The following NQO1 variants were observed in gnomAD, a reference collection of about 807,000 sequenced individuals.
The protein encoded by NQO1 is NAD(P)H dehydrogenase [quinone] 1.
NQO1 carries 30 observed loss-of-function variants against 32.1 expected under a neutral mutation model. That is an observed-to-expected ratio of 0.94 (90% confidence interval 0.70 to 1.27). The LOEUF is 1.27. NQO1 is among the 50% of genes most tolerant of loss of function. NQO1 has a pLI of 0.00. For synonymous variants in NQO1, 109 were observed against 119.7 expected (o/e 0.91, Z 0.59); for missense variants, 276 against 331.3 (o/e 0.83, Z 1.30).
At chr16:69,724,973 C>T (rs1318298347) in intron 1 of NQO1, among the ~76,000 whole-genome samples, 1 of 152,184 alleles carries the variant, frequency 6.6e-6, no homozygotes, top group African/African-American at 2.4e-5. Context: ...AAATACAGAA[C>T]ATTCTGTAAG....
At chr16:69,715,117 TCCC>T in intron 3 of NQO1, 40 bp from the exon 4 acceptor site, 1 of 1,524,454 alleles carries the variant, frequency 6.6e-7, no homozygotes, top group Non-Finnish European at 9.1e-7. Flanking sequence ...GACCAGGGGC[TCCC>T]CAAGCCCAGA....
intron 4 of NQO1, among the ~76,000 whole-genome samples, chr16:69,713,368 T>C (rs2038066838): frequency 6.6e-6 from 1 of 152,132 alleles, no homozygotes; most frequent in African/African-American, 2.4e-5. Context: ...ACATGTGGCT[T>C]AGGACGAGGC....
Position 69,711,234 on chromosome 16 carries a change from C to T in NQO1, c.567G>A (p.Leu189=), listed in dbSNP as rs2151741864. Residue 189 remains leucine (L), a synonymous_variant, in exon 6 of 6, where the codon CTG becomes CTA. Coordinates refer to ENST00000320623, the MANE Select transcript of NQO1 (RefSeq NM_000903.3). ...FCGFQVLEPQ[L]TYSIGHTPAD... ...CTGGAGTGTGCCCAATGCTATATGT[C>T]AGTTGAGGTTCTAAGACTTGGAAGC... is the stretch of plus-strand genomic sequence containing the variant. The T allele has an allele frequency of 6.2e-7, 1 of 1,612,632 alleles. No individual in the cohort carries two copies. Among genetic ancestry groups the T allele is most frequent in the Non-Finnish European group, 8.5e-7 (1 of 1,178,720 alleles).
rs755263291 is a variant in NQO1 at position 69,711,095 on chromosome 16, CT to C, written c.705del (p.Gly236AspfsTer3). 1 of 1,614,172 alleles carries C rather than the reference CT, an allele frequency of 6.2e-7. No individual in the cohort carries two copies. The highest frequency in any genetic ancestry group is 1.1e-5 in the South Asian group (1 of 91,084). Reference sequence around the variant, plus strand: ...TGTACCTCTTTTTTCATTAAGAATCCTGCCTGGAAGTTTAGGTCAAAGAGGC... The same window carrying C: ...TGTACCTCTTTTTTCATTAAGAATCCGCCTGGAAGTTTAGGTCAAAGAGGC... ...PSSLFDLNFQ[A>X]GFLMKKEVQD... On this transcript the variant is annotated frameshift_variant, in exon 6 of 6. Coordinates refer to ENST00000320623, the MANE Select transcript of NQO1 (RefSeq NM_000903.3). LOFTEE classifies it high-confidence loss of function.
chr16:69,713,882 G>T lies in NQO1; in HGVS notation c.418-753C>A, dbSNP rs536888871. Among the ~76,000 whole-genome samples the T allele has an allele frequency of 2.6e-3, 323 of 123,560 alleles. 6 individuals carry two copies. Among genetic ancestry groups the T allele is most frequent in the South Asian group, 7.0e-3 (23 of 3,266 alleles). 81.1% of individuals were successfully genotyped at this position (123,560 alleles called of 152,430 possible). On this transcript the variant is annotated intron_variant, in intron 4 of 5. Coordinates refer to ENST00000320623, the MANE Select transcript of NQO1 (RefSeq NM_000903.3). Reference sequence around the variant, plus strand: ...ACCACATCCGGCTAATTTTTTTTTTGTTTTTGTTTTTGATATGGAGGCTCG... The same window carrying T: ...ACCACATCCGGCTAATTTTTTTTTTTTTTTTGTTTTTGATATGGAGGCTCG...
rs1187548493 is a variant in NQO1 at position 69,711,016 on chromosome 16, T to C, written c.785A>G (p.Lys262Arg). 3 of 1,614,200 alleles carry C rather than the reference T, an allele frequency of 1.9e-6. No individual in the cohort carries two copies. Among genetic ancestry groups the C allele is most frequent in the South Asian group, 1.1e-5 (1 of 91,084 alleles). Residue 262 changes from lysine (K) to arginine (R), a missense_variant, in exon 6 of 6, where the codon AAG becomes AGG. Physicochemically the swap from Lys to Arg is conservative, Grantham distance 26 (BLOSUM62 2). Transcript: ENST00000320623. ...GATCTGGTTGTCAGTTGGGATGGACTTGCCCAAGTGATGGCCCACAGAAAG... is the reference window on the plus strand; with the variant it reads ...GATCTGGTTGTCAGTTGGGATGGACCTGCCCAAGTGATGGCCCACAGAAAG... ...FGLSVGHHLG[K>R]SIPTDNQIKA...
chr16:69,713,907 G>A (rs1292018040), intron 4 of NQO1, among the ~76,000 whole-genome samples: 2 of 93,936 alleles, frequency 2.1e-5, no homozygotes, highest in Non-Finnish European at 2.2e-5. Flanking sequence ...ATGGAGGCTC[G>A]CTCTGTCACC....
rs142705470 is a variant in NQO1, at chr16:69,719,219, C to T, written c.8-685G>A. 4.6e-5 allele frequency among the ~76,000 whole-genome samples: 7 copies of T among 152,270 alleles called. No individual in the cohort carries two copies. In the East Asian group the frequency reaches 9.6e-4, roughly 21 times the overall value. On this transcript the variant is annotated intron_variant, in intron 1 of 5. Transcript: ENST00000320623. ...TACCAACAGAAAAATTGGCACCTTA[C>T]TGGTGGGGATAAGAACTGCCTCAAC...
At chr16:69,717,228 T>A (rs1352704203) in intron 3 of NQO1, among the ~76,000 whole-genome samples, 1 of 152,136 alleles carries the variant, frequency 6.6e-6, no homozygotes, top group African/African-American at 2.4e-5. Flanking sequence ...GTCACATTTA[T>A]AGGAAAGATC....
At chr16:69,716,684 A>C (rs926004768) in intron 3 of NQO1, among the ~76,000 whole-genome samples, 2 of 151,836 alleles carry the variant, frequency 1.3e-5, no homozygotes, top group African/African-American at 4.8e-5. Context: ...TATGAAAGGC[A>C]CATGCCTATA....
At chr16:69,725,790 C>T (rs1168762798) in intron 1 of NQO1, among the ~76,000 whole-genome samples, 1 of 152,248 alleles carries the variant, frequency 6.6e-6, no homozygotes, top group Non-Finnish European at 1.5e-5. Flanking sequence ...GGGAGAATCG[C>T]TTGAACCCGG....
At position 69,710,721 on chromosome 16, in the gene NQO1, ATTTTT is replaced by A; in HGVS notation, c.*250_*254del. The A allele has an allele frequency of 4.5e-6, 2 of 441,370 alleles. No individual in the cohort carries two copies. Among genetic ancestry groups the A allele is most frequent in the Non-Finnish European group, 8.0e-6 (2 of 249,926 alleles). The allele number at this position is 441,370 out of a possible 1,614,324, so 27.3% of individuals were successfully genotyped here. A position where few individuals can be genotyped will look rare whatever the true frequency, so the allele number is the denominator to read the frequency against. ...AATTGTGTAGATGCCTTTAAAGAAC[ATTTTT>A]CTAGCATCTTTCTACATCTTTCCCT... On this transcript the variant is annotated 3_prime_UTR_variant, in exon 6 of 6. Transcript: ENST00000320623.
At chr16:69,716,356 G>A (rs2038113275) in intron 3 of NQO1, among the ~76,000 whole-genome samples, 1 of 151,290 alleles carries the variant, frequency 6.6e-6, no homozygotes, top group African/African-American at 2.4e-5. Flanking sequence ...GTCAAGCGTG[G>A]TGGTGCATGC....
At position 69,718,053 on chromosome 16, in the gene NQO1, T is replaced by G. The variant is rs1311052430; in HGVS notation, c.303+70A>C. ...GGGTAACTGTTTAAGATCTCATAGC[T>G]AATTAGGTACATGTCTAGGACAATA... is the stretch of plus-strand genomic sequence containing the variant. On this transcript the variant is annotated intron_variant, in intron 3 of 5. Transcript: ENST00000320623. 1.9e-6 allele frequency: 3 copies of G among 1,584,418 alleles called. No individual in the cohort carries two copies. In the East Asian group the frequency reaches 6.7e-5, roughly 36 times the overall value.
intron 1 of NQO1, among the ~76,000 whole-genome samples, chr16:69,722,459 C>T (rs867171493): frequency 3.5e-4 from 53 of 151,700 alleles, no homozygotes; most frequent in Middle Eastern, 7.0e-3. Flanking sequence ...CGCGCCCAGC[C>T]GGCATCTGCA....
intron 1 of NQO1, among the ~76,000 whole-genome samples, chr16:69,723,473 C>A (rs912045473): frequency 6.6e-6 from 1 of 151,936 alleles, no homozygotes; most frequent in African/African-American, 2.4e-5. Context: ...ATAGGTAGAT[C>A]CCCAAAACAA....
chr16:69,725,427 G>A (rs1216698804), intron 1 of NQO1, among the ~76,000 whole-genome samples: 1 of 152,206 alleles, frequency 6.6e-6, no homozygotes, highest in East Asian at 1.9e-4. Context: ...GTCTCAGCTG[G>A]TTATTTATGC....
intron 5 of NQO1, among the ~76,000 whole-genome samples, chr16:69,711,802 C>T (rs200252639): frequency 1.3e-5 from 2 of 151,762 alleles, no homozygotes; most frequent in Non-Finnish European, 2.9e-5. Context: ...TACAGGCATG[C>T]GCCACCATGC....
At chr16:69,723,189 C>T (rs552329429) in intron 1 of NQO1, among the ~76,000 whole-genome samples, 9 of 152,204 alleles carry the variant, frequency 5.9e-5, no homozygotes, top group Non-Finnish European at 1.3e-4. Flanking sequence ...TCCCAAACTG[C>T]TGGGATTACA....
Sources: allele counts gnomAD v4.1 joint callset (sites outside exome capture counted in the v4.1 genomes callset), GRCh38; gene constraint gnomAD v4.1.1; transcripts MANE v1.5; gene names NCBI Gene and HGNC (gene_info 2026-07-23, HGNC 2026-07-21).